The following LAYN variants were observed in gnomAD, a reference collection of about 807,000 sequenced individuals.
The protein encoded by LAYN is layilin.
In LAYN, 38 loss-of-function variants were observed where a neutral mutation model predicts 43.6. That is an observed-to-expected ratio of 0.87 (90% CI 0.67 to 1.14). The LOEUF (loss-of-function observed/expected upper bound fraction) is 1.14. LAYN is among the 50% of genes most tolerant of loss of function. The probability of loss-of-function intolerance (pLI) is 0.00; values close to 1 mark genes in which losing one functional copy is unlikely to be tolerated. For missense variants in LAYN, 479 were observed against 463.8 expected (o/e 1.03, Z -0.30); for synonymous variants, 168 against 172.9 (o/e 0.97, Z 0.22).
intron 2 of LAYN, among the ~76,000 whole-genome samples, chr11:111,546,123 G>T (rs1479994012): frequency 1.3e-5 from 2 of 152,120 alleles, no homozygotes; most frequent in Non-Finnish European, 2.9e-5. Context: ...GCATTACCTA[G>T]CTGAGTTATT....
intron 6 of LAYN, 108 bp downstream of exon 6, chr11:111,557,751 C>A: frequency 1.1e-6 from 1 of 895,090 alleles, no homozygotes; most frequent in Non-Finnish European, 1.9e-6. Flanking sequence ...AAGAGTATCA[C>A]CATTGCAGAT....
At position 111,557,558 on chromosome 11, in the gene LAYN, G is replaced by T; in HGVS notation, c.676G>T (p.Ala226Ser). The change falls in exon 6 of 7, where the codon GCC becomes TCC. Residue 226 changes from alanine (A) to serine (S), a missense_variant. By Grantham distance (99) the Ala-to-Ser change is moderately conservative. Coordinates refer to ENST00000375614, the MANE Select transcript of LAYN (RefSeq NM_178834.5). ...CTTTTCAGAAGCTGCCTTGAATCTG[G>T]CCTACATCCTAATCCCCAGCATTCC... ...KESREAALNLAYILIPSIPLL... is the reference protein window; with the variant it reads ...KESREAALNLSYILIPSIPLL... 1 of 1,613,960 alleles carries T rather than the reference G, an allele frequency of 6.2e-7. No homozygotes were observed. Among genetic ancestry groups the T allele is most frequent in the Non-Finnish European group, 8.5e-7 (1 of 1,179,858 alleles).
intron 2 of LAYN, among the ~76,000 whole-genome samples, chr11:111,546,247 C>T (rs1867646725): frequency 1.3e-5 from 2 of 152,136 alleles, no homozygotes; most frequent in South Asian, 2.1e-4. Flanking sequence ...TAGTCACATC[C>T]CTCTATCCAA....
chr11:111,543,861 C>A, intron 1 of LAYN, 62 bp from the exon 2 acceptor site: 1 of 1,491,738 alleles, frequency 6.7e-7, no homozygotes, highest in South Asian at 1.3e-5. Flanking sequence ...GATGCCTCCA[C>A]GTATCCCTGC....
chr11:111,555,170 T>A, intron 4 of LAYN, 37 bp from the exon 5 acceptor site: 1 of 1,491,250 alleles, frequency 6.7e-7, no homozygotes, highest in Non-Finnish European at 9.3e-7. Flanking sequence ...GAATTATGCC[T>A]TTCTTCAAGT....
At chr11:111,542,491 G>A (rs1591562945) in intron 1 of LAYN, among the ~76,000 whole-genome samples, 1 of 152,182 alleles carries the variant, frequency 6.6e-6, no homozygotes, top group African/African-American at 2.4e-5. Flanking sequence ...TTCTCATTTA[G>A]CACTAATCAT....
intron 3 of LAYN, among the ~76,000 whole-genome samples, chr11:111,550,325 T>TAGAA (rs756674809): frequency 6.6e-6 from 1 of 152,248 alleles, no homozygotes; most frequent in Non-Finnish European, 1.5e-5. Flanking sequence ...AAATTCAACT[T>TAGAA]ACGTTTGCTT....
At chr11:111,553,352 G>A (rs886269111) in intron 3 of LAYN, among the ~76,000 whole-genome samples, 1 of 152,022 alleles carries the variant, frequency 6.6e-6, no homozygotes, top group Non-Finnish European at 1.5e-5. Flanking sequence ...AGTGGCTCAC[G>A]CCTGTAATCC....
Position 111,555,303 on chromosome 11 carries a change from C to G in LAYN, c.658+13C>G. On this transcript the variant is annotated intron_variant, in intron 5 of 6. Transcript: ENST00000375614. Reference sequence around the variant, plus strand: ...AAAGAAAGTAGAGGTATCTACAAAACTCTCCTGGGAAAGATGAATAATCAG... The same window carrying G: ...AAAGAAAGTAGAGGTATCTACAAAAGTCTCCTGGGAAAGATGAATAATCAG... 1 of 1,574,948 alleles carries G rather than the reference C, an allele frequency of 6.3e-7. No homozygotes were observed.
At chr11:111,546,137 T>C (rs1867645031) in intron 2 of LAYN, among the ~76,000 whole-genome samples, 1 of 152,146 alleles carries the variant, frequency 6.6e-6, no homozygotes, top group Admixed American at 6.5e-5. Context: ...AGTTATTTTG[T>C]CTCCCTGCTT....
chr11:111,551,422 AT>A (rs1289883813), intron 3 of LAYN: 1 of 456,248 alleles, frequency 2.2e-6, no homozygotes, highest in African/African-American at 2.0e-5. Flanking sequence ...AGGACAGAGA[AT>A]GGATCCAACA....
intron 1 of LAYN, chr11:111,541,547 G>T: frequency 6.5e-7 from 1 of 1,536,300 alleles, no homozygotes; most frequent in Non-Finnish European, 8.7e-7. Flanking sequence ...CCTTCCTCCT[G>T]TTGTGTCACT....
chr11:111,551,446 C>A (rs1867743063), intron 3 of LAYN: 1 of 455,832 alleles, frequency 2.2e-6, no homozygotes, highest in African/African-American at 2.0e-5. Flanking sequence ...GGGAGGTGGG[C>A]ACATGGAGAA....
In LAYN at chr11:111,561,017, T is replaced by G. The variant is rs1867947659; in HGVS notation, c.*559T>G. 1 of 152,672 alleles carries G rather than the reference T, an allele frequency of 6.5e-6. No individual in the cohort carries two copies. Among genetic ancestry groups the G allele is most frequent in the South Asian group, 2.1e-4 (1 of 4,826 alleles). 9.5% of individuals were successfully genotyped at this position (152,672 alleles called of 1,614,324 possible). Reference sequence around the variant, plus strand: ...TCTGCATGTGGCCACAGGGGACCTTTTTTTGTTTCTCCTGACATCCAGACT... The same window carrying G: ...TCTGCATGTGGCCACAGGGGACCTTGTTTTGTTTCTCCTGACATCCAGACT... On this transcript the variant is annotated 3_prime_UTR_variant, in exon 7 of 7. Transcript: ENST00000375614.
chr11:111,544,998 G>A (rs1178074631), intron 2 of LAYN, among the ~76,000 whole-genome samples: 1 of 151,024 alleles, frequency 6.6e-6, no homozygotes, highest in Non-Finnish European at 1.5e-5. Flanking sequence ...AAAGAATGAA[G>A]ATTTTAAAAT....
In LAYN at chr11:111,555,973, G is replaced by T. The variant is rs538051902; in HGVS notation, c.658+683G>T. 1.8e-4 allele frequency among the ~76,000 whole-genome samples: 28 copies of T among 152,234 alleles called. 1 individual carries two copies. In the South Asian group the frequency reaches 5.8e-3, roughly 32 times the overall value. On this transcript the variant is annotated intron_variant, in intron 5 of 6. Coordinates refer to ENST00000375614, the MANE Select transcript of LAYN (RefSeq NM_178834.5). ...GTTCTGACACTAAATTCCAGAGTTGGCACACACTCCAGCTCATGAGCACAA... is the reference window on the plus strand; with the variant it reads ...GTTCTGACACTAAATTCCAGAGTTGTCACACACTCCAGCTCATGAGCACAA...
At position 111,549,672 on chromosome 11, in the gene LAYN, C is replaced by T; in HGVS notation, c.438C>T (p.Tyr146=). 1 of 1,603,086 alleles carries T rather than the reference C, an allele frequency of 6.2e-7. No individual in the cohort carries two copies. Among genetic ancestry groups the T allele is most frequent in the Non-Finnish European group, 8.5e-7 (1 of 1,175,732 alleles). The change falls in exon 3 of 7, where the codon TAC becomes TAT. Residue 146 remains tyrosine (Y), a synonymous_variant. Transcript: ENST00000375614. ...SCGSEVCVVM[Y]HQPSAPAGIG... is the part of the protein sequence containing the mutation. ...GCAGCGAGGTCTGCGTGGTCATGTACCATCAGCCATCGGCACCCGCTGGCA... is the reference window on the plus strand; with the variant it reads ...GCAGCGAGGTCTGCGTGGTCATGTATCATCAGCCATCGGCACCCGCTGGCA...
At chr11:111,556,808 G>T (rs1867853496) in intron 5 of LAYN, among the ~76,000 whole-genome samples, 2 of 152,124 alleles carry the variant, frequency 1.3e-5, no homozygotes, top group Non-Finnish European at 2.9e-5. Context: ...GTAGGAAGAG[G>T]GTTAGCCTCC....
chr11:111,541,220 G>C, intron 1 of LAYN: 1 of 592,456 alleles, frequency 1.7e-6, no homozygotes, highest in Non-Finnish European at 3.0e-6. Context: ...GTGGGGCAGT[G>C]GGCAAACCTG....
Sources: gnomAD v4.1 joint callset for allele counts (sites outside exome capture counted in the v4.1 genomes callset) on GRCh38, gnomAD v4.1.1 for gene constraint, MANE v1.5 for transcripts, NCBI Gene and HGNC (gene_info 2026-07-23, HGNC 2026-07-21) for gene names.